Variants in USP16 observed in about 807,000 individuals in gnomAD.
USP16 encodes ubiquitin carboxyl-terminal hydrolase 16.
Under a neutral mutation model 95.9 loss-of-function variants are expected in USP16, and 77 were observed. The ratio of observed to expected loss-of-function variants is 0.80; its 90% CI spans 0.67 to 0.97. USP16 has a LOEUF of 0.97. USP16 is among the 50% of genes least tolerant of loss of function. USP16 has a pLI of 0.00. For missense variants in USP16, 943 were observed against 959.9 expected (o/e 0.98, Z 0.23); for synonymous variants, 303 against 318.2 (o/e 0.95, Z 0.51).
At chr21:29,043,933 G>C (rs917746287) in intron 13 of USP16, among the ~76,000 whole-genome samples, 3 of 148,598 alleles carry the variant, frequency 2.0e-5, no homozygotes, top group African/African-American at 7.4e-5. Flanking sequence ...TCCCACCACT[G>C]TTTTTTTTTT....
chr21:29,049,014 A>G (rs1293575027), intron 15 of USP16, among the ~76,000 whole-genome samples, 159 bp downstream of exon 15: 1 of 152,248 alleles, frequency 6.6e-6, no homozygotes, highest in Non-Finnish European at 1.5e-5. Context: ...CATAGGGGCT[A>G]GGCAGAGGCG....
intron 10 of USP16, among the ~76,000 whole-genome samples, chr21:29,041,646 C>G (rs1382543519): frequency 6.6e-6 from 1 of 152,064 alleles, no homozygotes; most frequent in African/African-American, 2.4e-5. Flanking sequence ...AGAGCTAGAA[C>G]TAAGGAACTA....
At chr21:29,040,894 A>G (rs913018023) in intron 10 of USP16, among the ~76,000 whole-genome samples, 13 of 152,244 alleles carry the variant, frequency 8.5e-5, no homozygotes, top group Admixed American at 3.9e-4. Flanking sequence ...AGATAGAACT[A>G]TGATGAATTA....
chr21:29,043,488 T>C lies in USP16; in HGVS notation c.1245T>C (p.Ser415=), dbSNP rs2146385912. The change falls in exon 13 of 18, where the codon AGT becomes AGC. Residue 415 remains serine, a synonymous_variant. Transcript: ENST00000399976. Reference sequence around the variant, plus strand: ...CAGTGGAGGATGAAGATCAAGATAGTGAGGAAGAAAAAGATAACGACAGTT... The same window carrying C: ...CAGTGGAGGATGAAGATCAAGATAGCGAGGAAGAAAAAGATAACGACAGTT... ...KKTVEDEDQD[S]EEEKDNDSYI... 6.3e-7 allele frequency: 1 copy of C among 1,597,114 alleles called. No individual in the cohort carries two copies. Among genetic ancestry groups the C allele is most frequent in the Non-Finnish European group, 8.5e-7 (1 of 1,173,254 alleles).
intron 10 of USP16, among the ~76,000 whole-genome samples, chr21:29,040,933 A>G (rs967019706): frequency 6.6e-6 from 1 of 152,216 alleles, no homozygotes; most frequent in Non-Finnish European, 1.5e-5. Flanking sequence ...GCTTAAAATT[A>G]TAATTAGCAG....
In USP16 at chr21:29,047,241, A is replaced by G. The variant is rs1231845034; in HGVS notation, c.1931A>G (p.Glu644Gly). ...TGTTTATATCAGTTCACCCGTAATG[A>G]GAAACTTCGAGATGCGAATAAACTG... ...QHCLYQFTRN[E>G]KLRDANKLLC... is the part of the protein sequence containing the mutation. The change falls in exon 14 of 18, where the codon GAG (glutamate) becomes GGG (glycine). Residue 644 changes from glutamate to glycine, a missense_variant. By Grantham distance (98) the Glu-to-Gly change is moderately conservative. Coordinates refer to ENST00000399976, the MANE Select transcript of USP16 (RefSeq NM_006447.3). The G allele has an allele frequency of 9.9e-6, 16 of 1,614,196 alleles. No homozygotes were observed. The highest frequency in any genetic ancestry group is 1.4e-5 in the Non-Finnish European group (16 of 1,180,028).
rs1470254306 is a variant in USP16 at position 29,046,734 on chromosome 21, A to G, written c.1424A>G (p.His475Arg). The change falls in exon 14 of 18, where the codon CAT (histidine) becomes CGT (arginine). Residue 475 changes from histidine (H) to arginine (R), a missense_variant. By Grantham distance (29) the His-to-Arg change is conservative. Coordinates refer to ENST00000399976, the MANE Select transcript of USP16 (RefSeq NM_006447.3). ...LHLNDICTID[H>R]PEDSEYEAEM... Reference sequence around the variant, plus strand: ...TTAAATGATATTTGTACTATTGACCATCCTGAAGACAGTGAATATGAAGCT... The same window carrying G: ...TTAAATGATATTTGTACTATTGACCGTCCTGAAGACAGTGAATATGAAGCT... The G allele has an allele frequency of 2.5e-6, 4 of 1,613,910 alleles. No individual in the cohort carries two copies. Among genetic ancestry groups the G allele is most frequent in the South Asian group, 2.2e-5 (2 of 91,084 alleles).
chr21:29,051,372 T>C (rs1348476582), intron 16 of USP16, among the ~76,000 whole-genome samples: 2 of 152,180 alleles, frequency 1.3e-5, no homozygotes, highest in East Asian at 1.9e-4. Flanking sequence ...TAGAAATCAG[T>C]ACATATGTGG....
At chr21:29,042,561 A>T (rs749578873) in intron 12 of USP16, 33 bp downstream of exon 12, 2 of 1,567,288 alleles carry the variant, frequency 1.3e-6, no homozygotes, top group Non-Finnish European at 1.7e-6. Context: ...ATTCAAGTAG[A>T]TTTTTTTTCC....
rs1288587461 is a variant in USP16 at position 29,053,992 on chromosome 21, G to A, written c.2350+34G>A. 10 of 1,613,176 alleles carry A rather than the reference G, an allele frequency of 6.2e-6. No homozygotes were observed. In the South Asian group the frequency reaches 8.8e-5, roughly 14 times the overall value. On this transcript the variant is annotated intron_variant, in intron 17 of 17. Coordinates refer to ENST00000399976, the MANE Select transcript of USP16 (RefSeq NM_006447.3). ...TCTTGGAAAATTCAGGCACTCAGCA[G>A]ATTACGGCAAAACCAAAAAGTAATC...
intron 16 of USP16, chr21:29,053,546 G>A (rs1299323998): frequency 2.7e-6 from 1 of 367,572 alleles, no homozygotes; most frequent in Non-Finnish European, 4.9e-6. Context: ...CAGTTATTTG[G>A]TATCTGAGCC....
At chr21:29,028,167 G>A (rs185636147) in intron 2 of USP16, among the ~76,000 whole-genome samples, 193 bp downstream of exon 2, 3 of 150,394 alleles carry the variant, frequency 2.0e-5, no homozygotes, top group Admixed American at 1.3e-4. Context: ...TGTTGCCCAG[G>A]CTGGAGTGCA....
rs763152114 is a variant in USP16, at chr21:29,029,431, A to G, written c.62-1164A>G. Among the ~76,000 whole-genome samples, 18 of 152,162 alleles carry G rather than the reference A, an allele frequency of 1.2e-4. 1 individual carries two copies. The highest frequency in any genetic ancestry group is 3.2e-3 in the Middle Eastern group (1 of 316). On this transcript the variant is annotated intron_variant, in intron 2 of 17. Transcript: ENST00000399976. ...CCGTCTCAAAAAGAAAAAAGAAAAA[A>G]AAGGGTACCTTCTTTTTCTAGTTTG...
At chr21:29,030,339 G>T (rs1045338047) in intron 2 of USP16, among the ~76,000 whole-genome samples, 12 of 152,290 alleles carry the variant, frequency 7.9e-5, no homozygotes, top group Admixed American at 4.6e-4. Context: ...AAATTGAAAT[G>T]AATTTGTAGT....
chr21:29,036,403 C>T (rs543460012), intron 5 of USP16, 29 bp downstream of exon 5: 1 of 1,591,622 alleles, frequency 6.3e-7, no homozygotes, highest in African/African-American at 1.3e-5. Context: ...TTAATATACA[C>T]CAAATGTCGA....
At chr21:29,041,193 T>C (rs772061642) in intron 10 of USP16, among the ~76,000 whole-genome samples, 46 of 152,324 alleles carry the variant, frequency 3.0e-4, no homozygotes, top group Admixed American at 2.0e-4. Context: ...TGTAATTAAA[T>C]TTAAATAGCC....
Position 29,034,822 on chromosome 21 carries a change from T to A in USP16, c.241-15T>A. 6.2e-7 allele frequency: 1 copy of A among 1,613,590 alleles called. No homozygotes were observed. Among genetic ancestry groups the A allele is most frequent in the Non-Finnish European group, 8.5e-7 (1 of 1,179,552 alleles). On this transcript the variant is annotated splice_polypyrimidine_tract_variant and intron_variant, in intron 3 of 17. Transcript: ENST00000399976. ...GTTTTTATGGCTTTGAGGTTTATGA[T>A]TATGATTTTTTTAGGGCTGTGGCAG...
chr21:29,041,098 G>T (rs905418838), intron 10 of USP16, among the ~76,000 whole-genome samples: 1 of 152,108 alleles, frequency 6.6e-6, no homozygotes, highest in Non-Finnish European at 1.5e-5. Flanking sequence ...TACCTTTGCT[G>T]TTCCATATAG....
chr21:29,030,880 T>C (rs1194653511), intron 3 of USP16, 107 bp downstream of exon 3: 13 of 1,279,354 alleles, frequency 1.0e-5, no homozygotes, highest in Non-Finnish European at 1.4e-5. Flanking sequence ...ACTAGTAACA[T>C]AGATCATGTT....
Sources: gnomAD v4.1 joint callset for allele counts (sites outside exome capture counted in the v4.1 genomes callset) on GRCh38, gnomAD v4.1.1 for gene constraint, MANE v1.5 for transcripts, NCBI Gene and HGNC (gene_info 2026-07-23, HGNC 2026-07-21) for gene names.